Variants in BAZ1A observed in about 807,000 individuals in gnomAD.
BAZ1A encodes bromodomain adjacent to zinc finger domain 1A.
Under a neutral mutation model 185.2 loss-of-function variants are expected in BAZ1A, and 50 were observed. The ratio of observed to expected loss-of-function variants is 0.27; its 90% CI spans 0.22 to 0.34. BAZ1A has a LOEUF of 0.34. Ranked by LOEUF, BAZ1A falls within the 10% of genes least tolerant of loss-of-function variation. The pLI, the probability that BAZ1A is intolerant of heterozygous loss-of-function variation, is 1.00. For synonymous variants in BAZ1A, 571 were observed against 615.6 expected, an observed-to-expected ratio of 0.93 and a Z score of 1.07; for missense variants, 1,356 against 1,839.9, an observed-to-expected ratio of 0.74 and a Z score of 4.81.
At chr14:34,785,263 C>T (rs1880365106) in intron 14 of BAZ1A, among the ~76,000 whole-genome samples, 1 of 152,156 alleles carries the variant, frequency 6.6e-6, no homozygotes, top group Admixed American at 6.5e-5. Context: ...TAAAAGACTG[C>T]ACAAAAAAAC....
intron 2 of BAZ1A, among the ~76,000 whole-genome samples, chr14:34,864,479 C>T (rs1337899255): frequency 1.3e-5 from 2 of 150,894 alleles, no homozygotes; most frequent in Admixed American, 6.6e-5. Context: ...ACTCATATAT[C>T]ATTTTGCAAT....
chr14:34,797,467 G>A (rs575305472), intron 9 of BAZ1A, among the ~76,000 whole-genome samples: 2 of 152,158 alleles, frequency 1.3e-5, no homozygotes, highest in African/African-American at 2.4e-5. Flanking sequence ...GCTGAGGCAG[G>A]AGAATTGCTT....
chr14:34,863,551 C>G (rs552830601), intron 2 of BAZ1A, among the ~76,000 whole-genome samples: 36 of 152,222 alleles, frequency 2.4e-4, no homozygotes, highest in African/African-American at 7.0e-4. Flanking sequence ...TGTGATCCAC[C>G]TGCCTCGGCC....
chr14:34,809,229 T>C (rs1156327804), intron 5 of BAZ1A, among the ~76,000 whole-genome samples: 1 of 152,192 alleles, frequency 6.6e-6, no homozygotes, highest in Non-Finnish European at 1.5e-5. Context: ...CTATATTCTT[T>C]TCCTAGACTT....
chr14:34,794,504 T>G (rs2138639086), intron 11 of BAZ1A, among the ~76,000 whole-genome samples: 1 of 152,304 alleles, frequency 6.6e-6, no homozygotes, highest in African/African-American at 2.4e-5. Context: ...CAGTTTCTGC[T>G]TCCTGCTTCT....
At chr14:34,864,264 C>G (rs937338375) in intron 2 of BAZ1A, among the ~76,000 whole-genome samples, 1 of 152,020 alleles carries the variant, frequency 6.6e-6, no homozygotes, top group Non-Finnish European at 1.5e-5. Context: ...GTGCCTCAGC[C>G]TCCCAAGCAG....
chr14:34,759,171 G>GTTTTTTTTTTTTGTTTTTTTT (rs1555336945), intron 24 of BAZ1A, among the ~76,000 whole-genome samples: 1 of 66,478 alleles, frequency 1.5e-5, no homozygotes, highest in Non-Finnish European at 2.6e-5. Flanking sequence ...TACAGCTACA[G>GTTTTTTTTTTTTGTTTTTTTT]TTTTTTTTTT....
chr14:34,793,928 C>G (rs1438462485), intron 11 of BAZ1A, among the ~76,000 whole-genome samples: 1 of 148,030 alleles, frequency 6.8e-6, no homozygotes, highest in Non-Finnish European at 1.5e-5. Flanking sequence ...GGCGACAGAG[C>G]GAGACTCCGT....
intron 3 of BAZ1A, among the ~76,000 whole-genome samples, chr14:34,835,524 A>G (rs1335287307): frequency 6.6e-6 from 1 of 151,932 alleles, no homozygotes; most frequent in Non-Finnish European, 1.5e-5. Context: ...TCACAACTTT[A>G]AGCCCAGGCA....
At chr14:34,864,135 T>C (rs1487088473) in intron 2 of BAZ1A, among the ~76,000 whole-genome samples, 1 of 152,112 alleles carries the variant, frequency 6.6e-6, no homozygotes, top group African/African-American at 2.4e-5. Context: ...TTTGAATTTT[T>C]ATTTTTTTTT....
intron 2 of BAZ1A, among the ~76,000 whole-genome samples, chr14:34,872,032 T>C (rs2138847093): frequency 6.6e-6 from 1 of 152,318 alleles, no homozygotes; most frequent in South Asian, 2.1e-4. Flanking sequence ...ATTCAAAATG[T>C]AACATGATTA....
chr14:34,861,334 G>T (rs1208473712), intron 3 of BAZ1A, among the ~76,000 whole-genome samples: 2 of 152,108 alleles, frequency 1.3e-5, no homozygotes, highest in Non-Finnish European at 2.9e-5. Context: ...CATAGATTGT[G>T]TCATTTTCAA....
At chr14:34,810,867 G>C in intron 5 of BAZ1A, 68 bp downstream of exon 5, 1 of 1,125,954 alleles carries the variant, frequency 8.9e-7, no homozygotes, top group Non-Finnish European at 1.3e-6. Flanking sequence ...TTCTACATCA[G>C]ACCTTCTTAA....
In BAZ1A at chr14:34,774,395, G is replaced by A; in HGVS notation, c.2929C>T (p.Leu977=). ...TCTAAAAGAAAATCTCTCAGCCTTAGTTCAAGTTGCTTTTCTGCACACATC... is the reference window on the plus strand; with the variant it reads ...TCTAAAAGAAAATCTCTCAGCCTTAATTCAAGTTGCTTTTCTGCACACATC... ...SQMCAEKQLE[L]RLRDFLLDIE... The change falls in exon 19 of 27, where the codon CTA becomes TTA. Residue 977 remains leucine (L), a synonymous_variant. Coordinates refer to ENST00000360310, the MANE Select transcript of BAZ1A (RefSeq NM_013448.3). 6.2e-7 allele frequency: 1 copy of A among 1,613,580 alleles called. No individual in the cohort carries two copies. Among genetic ancestry groups the A allele is most frequent in the Non-Finnish European group, 8.5e-7 (1 of 1,179,756 alleles).
intron 21 of BAZ1A, among the ~76,000 whole-genome samples, chr14:34,767,862 A>T (rs1878954055): frequency 6.6e-6 from 1 of 152,172 alleles, no homozygotes; most frequent in African/African-American, 2.4e-5. Flanking sequence ...AATTAGTTTG[A>T]ATGATTTTTT....
At chr14:34,804,724 A>AG (rs1417066403) in intron 6 of BAZ1A, among the ~76,000 whole-genome samples, 2 of 152,352 alleles carry the variant, frequency 1.3e-5, no homozygotes, top group African/African-American at 4.8e-5. Context: ...ATATGAAATA[A>AG]AGCACATGGG....
At chr14:34,856,859 CAAAAA>C (rs577936229) in intron 3 of BAZ1A, among the ~76,000 whole-genome samples, 5 of 74,032 alleles carry the variant, frequency 6.8e-5, no homozygotes, top group African/African-American at 2.2e-4. Flanking sequence ...AACTCGGTCT[CAAAAA>C]AAAAAAAAAA....
At position 34,754,426 on chromosome 14, in the gene BAZ1A, A is replaced by AAAAAAAAAAG. The variant is rs543554757; in HGVS notation, c.4474+400_4474+401insCTTTTTTTTT. Among the ~76,000 whole-genome samples, 217 of 122,888 alleles carry AAAAAAAAAAG rather than the reference A, an allele frequency of 1.8e-3. 2 individuals carry two copies. The highest frequency in any genetic ancestry group is 2.5e-3 in the Non-Finnish European group (139 of 56,474). The allele number at this position is 122,888 out of a possible 152,430, so 80.6% of individuals were successfully genotyped here. ...AGAGTGAGACGTATCTCAAAAAAAA[A>AAAAAAAAAAG]AAAAAAGAAAAAAGAAAAAGAAGAA... On this transcript the variant is annotated intron_variant, in intron 26 of 26. Coordinates refer to ENST00000360310, the MANE Select transcript of BAZ1A (RefSeq NM_013448.3).
chr14:34,794,675 A>G, intron 11 of BAZ1A, 74 bp downstream of exon 11: 3 of 1,468,784 alleles, frequency 2.0e-6, no homozygotes, highest in Non-Finnish European at 2.8e-6. Flanking sequence ...GAACTTTACA[A>G]GGTGGCTTGT....
Sources: allele counts gnomAD v4.1 joint callset (sites outside exome capture counted in the v4.1 genomes callset), GRCh38; gene constraint gnomAD v4.1.1; transcripts MANE v1.5; gene names NCBI Gene and HGNC (gene_info 2026-07-23, HGNC 2026-07-21).